Variants in CACNA2D3 observed in about 807,000 individuals in gnomAD.
CACNA2D3 encodes calcium voltage-gated channel auxiliary subunit alpha2delta 3.
Under a neutral mutation model 160.6 loss-of-function variants are expected in CACNA2D3, and 60 were observed. The observed-to-expected ratio is 0.37, with a 90% CI of 0.30 to 0.46. The LOEUF (loss-of-function observed/expected upper bound fraction) is 0.46. Ranked by LOEUF, CACNA2D3 falls within the 20% of genes least tolerant of loss-of-function variation. The pLI is 1.00. For missense variants in CACNA2D3, 1,205 were observed against 1,365.0 expected (o/e 0.88, Z 1.85); for synonymous variants, 558 against 492.9 (o/e 1.13, Z -1.75).
At chr3:54,451,443 T>C (rs1397493666) in intron 4 of CACNA2D3, among the ~76,000 whole-genome samples, 1 of 151,922 alleles carries the variant, frequency 6.6e-6, no homozygotes, top group Non-Finnish European at 1.5e-5. Context: ...ACCTTGTTAG[T>C]CTTCTACAAA....
chr3:55,052,081 G>T (rs1244006303), intron 35 of CACNA2D3, among the ~76,000 whole-genome samples: 2 of 152,094 alleles, frequency 1.3e-5, no homozygotes, highest in East Asian at 3.9e-4. Context: ...GCTCACTCTG[G>T]GAGCTGTAGA....
chr3:54,291,541 C>CT (rs1001609731), intron 2 of CACNA2D3, among the ~76,000 whole-genome samples: 18 of 151,956 alleles, frequency 1.2e-4, no homozygotes, highest in Non-Finnish European at 2.4e-4. Flanking sequence ...AGCCTGTAAT[C>CT]TTTTTTTTAA....
In CACNA2D3 at chr3:54,442,113, C is replaced by T. The variant is rs565531778; in HGVS notation, c.381+55339C>T. Among the ~76,000 whole-genome samples, 35 of 152,248 alleles carry T rather than the reference C, an allele frequency of 2.3e-4. 1 individual carries two copies. In the East Asian group the frequency reaches 4.1e-3, roughly 18 times the overall value. ...TGTGTACCACCGTGTCCAGCTCATACGCTTAAATTGTTGATATGGACTTAA... is the reference window on the plus strand; with the variant it reads ...TGTGTACCACCGTGTCCAGCTCATATGCTTAAATTGTTGATATGGACTTAA... On this transcript the variant is annotated intron_variant, in intron 4 of 37. Transcript: ENST00000474759.
Position 54,642,236 on chromosome 3 carries a change from C to A in CACNA2D3, c.1162C>A (p.Arg388=). The change falls in exon 11 of 38, where the codon CGA becomes AGA. Residue 388 remains arginine (R), a synonymous_variant. Coordinates refer to ENST00000474759, the MANE Select transcript of CACNA2D3 (RefSeq NM_018398.3). ...TIFAKYNWPD[R]KVRIFTYLIG... Reference sequence around the variant, plus strand: ...CTTTGCAAAATACAATTGGCCAGATCGAAAGGTAAGTTGATGCTGATCCCG... The same window carrying A: ...CTTTGCAAAATACAATTGGCCAGATAGAAAGGTAAGTTGATGCTGATCCCG... 2 of 1,602,728 alleles carry A rather than the reference C, an allele frequency of 1.2e-6. No individual in the cohort carries two copies.
intron 5 of CACNA2D3, among the ~76,000 whole-genome samples, chr3:54,538,436 A>T (rs536060692): frequency 3.9e-5 from 6 of 152,160 alleles, no homozygotes; most frequent in African/African-American, 1.4e-4. Flanking sequence ...CCGTTCATGA[A>T]GGAAGCTGTG....
chr3:55,009,323 G>A, intron 33 of CACNA2D3, 65 bp from the exon 34 acceptor site: 2 of 1,362,344 alleles, frequency 1.5e-6, no homozygotes, highest in Non-Finnish European at 2.1e-6. Flanking sequence ...AATACAGAAA[G>A]TCACTGTTCT....
chr3:55,059,018 T>G (rs1037861318), intron 35 of CACNA2D3, among the ~76,000 whole-genome samples: 6 of 152,340 alleles, frequency 3.9e-5, no homozygotes, highest in African/African-American at 1.4e-4. Flanking sequence ...ACAAAAATAT[T>G]TTGTTCATGT....
chr3:54,906,706 C>T (rs1441503842), intron 27 of CACNA2D3, among the ~76,000 whole-genome samples: 1 of 152,176 alleles, frequency 6.6e-6, no homozygotes, highest in Admixed American at 6.5e-5. Context: ...CAAGTCTTTG[C>T]TCTGAATGTC....
intron 2 of CACNA2D3, among the ~76,000 whole-genome samples, chr3:54,292,645 C>G (rs1430039592): frequency 6.6e-6 from 1 of 152,188 alleles, no homozygotes; most frequent in Non-Finnish European, 1.5e-5. Flanking sequence ...TTCACATCCA[C>G]TAGGATGACT....
intron 2 of CACNA2D3, among the ~76,000 whole-genome samples, chr3:54,144,100 G>A (rs1270298714): frequency 6.6e-6 from 1 of 152,186 alleles, no homozygotes; most frequent in East Asian, 1.9e-4. Flanking sequence ...AAATTTTGCA[G>A]CATTTCTTTC....
chr3:54,282,444 G>A (rs984918131), intron 2 of CACNA2D3, among the ~76,000 whole-genome samples: 1 of 152,202 alleles, frequency 6.6e-6, no homozygotes, highest in Non-Finnish European at 1.5e-5. Flanking sequence ...CGTCAAGGTA[G>A]AGACACCAGA....
chr3:54,403,545 G>T (rs549128923), intron 4 of CACNA2D3, among the ~76,000 whole-genome samples: 135 of 152,040 alleles, frequency 8.9e-4, no homozygotes, highest in African/African-American at 3.2e-3. Flanking sequence ...CAAATAATAA[G>T]AAGAAAGATT....
chr3:55,052,377 A>G lies in CACNA2D3; in HGVS notation c.2988-21068A>G, dbSNP rs139914082. On this transcript the variant is annotated intron_variant, in intron 35 of 37. Transcript: ENST00000474759. ...CATGATCTAACTTTGTGAATATTCC[A>G]TATGAACATATATATACATATATTC... Among the ~76,000 whole-genome samples the G allele has an allele frequency of 4.8e-3, 730 of 151,998 alleles. 17 individuals are homozygous for G. Among genetic ancestry groups the G allele is most frequent in the Non-Finnish European group, 1.6e-3 (106 of 67,962 alleles).
At chr3:54,825,539 A>G (rs1703731279) in intron 14 of CACNA2D3, among the ~76,000 whole-genome samples, 1 of 152,226 alleles carries the variant, frequency 6.6e-6, no homozygotes, top group Non-Finnish European at 1.5e-5. Flanking sequence ...ACCTGTATCC[A>G]TCACTTGACA....
intron 4 of CACNA2D3, among the ~76,000 whole-genome samples, chr3:54,465,268 C>G (rs1402870207): frequency 6.6e-6 from 1 of 151,546 alleles, no homozygotes; most frequent in East Asian, 1.9e-4. Context: ...TATTGAATTT[C>G]CTGTTTGATT....
rs534810446 is a variant in CACNA2D3, at chr3:54,289,297, C to T, written c.205-31145C>T. Among the ~76,000 whole-genome samples, 343 of 151,998 alleles carry T rather than the reference C, an allele frequency of 2.3e-3. 3 individuals are homozygous for T. The highest frequency in any genetic ancestry group is 7.8e-3 in the African/African-American group (325 of 41,480). ...CAGAGAGCCAAATCATGAGTGAACT[C>T]CCATTCACAATTGCTTCAAAGAGAA... is the stretch of plus-strand genomic sequence containing the variant. On this transcript the variant is annotated intron_variant, in intron 2 of 37. Transcript: ENST00000474759.
intron 2 of CACNA2D3, among the ~76,000 whole-genome samples, chr3:54,318,130 A>G (rs74849663): frequency 0.11 from 13,695 of 127,908 alleles, 677 homozygotes; most frequent in Middle Eastern, 0.18. Context: ...ATCCAGAGAA[A>G]TCTTTTGTGT....
At chr3:54,146,801 G>T (rs562443798) in intron 2 of CACNA2D3, among the ~76,000 whole-genome samples, 1 of 152,324 alleles carries the variant, frequency 6.6e-6, no homozygotes, top group Admixed American at 6.5e-5. Flanking sequence ...CCTGTTTCCC[G>T]CCTGCGATTG....
intron 17 of CACNA2D3, among the ~76,000 whole-genome samples, chr3:54,862,096 G>C (rs567184590): frequency 6.6e-6 from 1 of 152,266 alleles, no homozygotes; most frequent in South Asian, 2.1e-4. Context: ...TTGGTAGTCG[G>C]AACATGGCTG....
Sources: gnomAD v4.1 joint callset for allele counts (sites outside exome capture counted in the v4.1 genomes callset) on GRCh38, gnomAD v4.1.1 for gene constraint, MANE v1.5 for transcripts, NCBI Gene and HGNC (gene_info 2026-07-23, HGNC 2026-07-21) for gene names.